The following IGSF3 variants were observed in gnomAD, a reference collection of about 807,000 sequenced individuals.
The protein encoded by IGSF3 is immunoglobulin superfamily member 3.
IGSF3 carries 23 observed loss-of-function variants against 114.4 expected under a neutral mutation model. The observed-to-expected ratio is 0.20, with a 90% confidence interval of 0.14 to 0.28. IGSF3 has a LOEUF of 0.28. IGSF3 is among the 10% of genes least tolerant of loss of function. The probability of loss-of-function intolerance (pLI) is 1.00; values close to 1 mark genes in which losing one functional copy is unlikely to be tolerated. For synonymous variants in IGSF3, 571 were observed against 645.2 expected, an observed-to-expected ratio of 0.88 and a Z score of 1.74; for missense variants, 1,172 against 1,591.5, an observed-to-expected ratio of 0.74 and a Z score of 4.48.
In IGSF3 at chr1:116,627,863, G is replaced by A. The variant is rs1287575445; in HGVS notation, c.44-11406C>T. On this transcript the variant is annotated intron_variant, in intron 2 of 10. Coordinates refer to ENST00000369486, the MANE Select transcript of IGSF3 (RefSeq NM_001007237.3). This position sits in a 1 kb window ranked among gnomAD's most constrained non-coding sequence, Gnocchi z 4.7. ...GGGCTGCCTAGCTAGGAATGCCCAG[G>A]CAGTGAATTGGGGTCTCCAAAGGAA... Among the ~76,000 whole-genome samples, 1 of 152,194 alleles carries A rather than the reference G, an allele frequency of 6.6e-6. No homozygotes were observed. The highest frequency in any genetic ancestry group is 1.5e-5 in the Non-Finnish European group (1 of 68,034).
rs3965232 is a variant in IGSF3, at chr1:116,616,545, T to C, written c.44-88A>G. The C allele has an allele frequency of 8.6e-7, 1 of 1,169,270 alleles. No individual in the cohort carries two copies. The highest frequency in any genetic ancestry group is 1.5e-5 in the African/African-American group (1 of 65,180). The allele number at this position is 1,169,270 out of a possible 1,614,324, so 72.4% of individuals were successfully genotyped here. ...CCAGCAATCTCCAAAGGGTTTGTTA[T>C]TTGTGTGACATGATAATAATATAAA... is the stretch of plus-strand genomic sequence containing the variant. On this transcript the variant is annotated intron_variant, in intron 2 of 10. Coordinates refer to ENST00000369486, the MANE Select transcript of IGSF3 (RefSeq NM_001007237.3). The surrounding 1 kb of genome is among the most constrained non-coding windows in gnomAD (Gnocchi z 6.6).
chr1:116,619,191 C>T (rs991110512), intron 2 of IGSF3, among the ~76,000 whole-genome samples: 3 of 152,352 alleles, frequency 2.0e-5, no homozygotes, highest in Non-Finnish European at 4.4e-5. Flanking sequence ...AAGAAAGCTT[C>T]ATTCTCCTCC....
At position 116,632,535 on chromosome 1, in the gene IGSF3, G is replaced by A. The variant is rs897370991; in HGVS notation, c.44-16078C>T. Among the ~76,000 whole-genome samples, 1 of 152,344 alleles carries A rather than the reference G, an allele frequency of 6.6e-6. No homozygotes were observed. Among genetic ancestry groups the A allele is most frequent in the South Asian group, 2.1e-4 (1 of 4,828 alleles). On this transcript the variant is annotated intron_variant, in intron 2 of 10. Coordinates refer to ENST00000369486, the MANE Select transcript of IGSF3 (RefSeq NM_001007237.3). This position sits in a 1 kb window ranked among gnomAD's most constrained non-coding sequence, Gnocchi z 5.1. ...GGCAGAGAAGAAAGCAAACCTGGAA[G>A]GCAACAAATGGACACGTGCGTGCTG...
chr1:116,589,143 C>T lies in IGSF3; in HGVS notation c.2030-39G>A. The T allele has an allele frequency of 3.8e-6, 6 of 1,568,186 alleles. No homozygotes were observed. The highest frequency in any genetic ancestry group is 5.2e-6 in the Non-Finnish European group (6 of 1,149,328). Reference sequence around the variant, plus strand: ...GGGAACACAGGAATCACCACAGACTCCCAGAAACGTGGCCCATCCACCTCC... The same window carrying T: ...GGGAACACAGGAATCACCACAGACTTCCAGAAACGTGGCCCATCCACCTCC... On this transcript the variant is annotated intron_variant, in intron 7 of 10. Transcript: ENST00000369486. This position sits in a 1 kb window ranked among gnomAD's most constrained non-coding sequence, Gnocchi z 5.7.
chr1:116,623,547 G>A (rs1661482284), intron 2 of IGSF3, among the ~76,000 whole-genome samples: 1 of 152,058 alleles, frequency 6.6e-6, no homozygotes, highest in African/African-American at 2.4e-5. Context: ...TTAGCCGGGT[G>A]TGATGGCACA....
intron 8 of IGSF3, among the ~76,000 whole-genome samples, chr1:116,586,269 ATTCTCCCT>A (rs1659839603): frequency 6.6e-6 from 1 of 152,176 alleles, no homozygotes; most frequent in African/African-American, 2.4e-5. Context: ...TTAAATAACC[ATTCTCCCT>A]TTCTCCCTCC....
At position 116,657,471 on chromosome 1, in the gene IGSF3, C is replaced by T. The variant is rs1188650054; in HGVS notation, c.43+8813G>A. On this transcript the variant is annotated intron_variant, in intron 2 of 10. Coordinates refer to ENST00000369486, the MANE Select transcript of IGSF3 (RefSeq NM_001007237.3). The surrounding 1 kb of genome is among the most constrained non-coding windows in gnomAD (Gnocchi z 4.2). ...CAACCTAATGGATCAAACATGTGTG[C>T]TTTGGTCATCCGCAACCCAGACCAC... Among the ~76,000 whole-genome samples the T allele has an allele frequency of 6.6e-6, 1 of 151,740 alleles. No individual in the cohort carries two copies. The highest frequency in any genetic ancestry group is 6.6e-5 in the Admixed American group (1 of 15,232).
chr1:116,643,496 T>C (rs2101058197), intron 2 of IGSF3, among the ~76,000 whole-genome samples: 1 of 152,380 alleles, frequency 6.6e-6, no homozygotes, highest in African/African-American at 2.4e-5. Context: ...TGTACATTTA[T>C]TACTGTCAGC....
chr1:116,662,010 C>A lies in IGSF3; in HGVS notation c.43+4274G>T, dbSNP rs74111655. ...TCATCTTGGGAATAGAGAGCATGCA[C>A]ATGGAGCAAGACAGCAGGAGCTTGG... On this transcript the variant is annotated intron_variant, in intron 2 of 10. Transcript: ENST00000369486. The surrounding 1 kb of genome is among the most constrained non-coding windows in gnomAD (Gnocchi z 4.3). 0.03 allele frequency among the ~76,000 whole-genome samples: 4,572 copies of A among 152,070 alleles called. 92 individuals carry two copies. Among genetic ancestry groups the A allele is most frequent in the African/African-American group, 0.064 (2,642 of 41,490 alleles).
chr1:116,607,272 C>T lies in IGSF3; in HGVS notation c.1222+670G>A, dbSNP rs1157476115. Among the ~76,000 whole-genome samples the T allele has an allele frequency of 2.0e-5, 3 of 151,812 alleles. No homozygotes were observed. Among genetic ancestry groups the T allele is most frequent in the African/African-American group, 4.8e-5 (2 of 41,256 alleles). ...GCAAACACCAGTAGTTTCTGGAATC[C>T]CTAGCAATGGCCACTACCCACCCAC... On this transcript the variant is annotated intron_variant, in intron 5 of 10. Coordinates refer to ENST00000369486, the MANE Select transcript of IGSF3 (RefSeq NM_001007237.3). The surrounding 1 kb of genome is among the most constrained non-coding windows in gnomAD (Gnocchi z 6.1).
chr1:116,577,242 A>G lies in IGSF3; in HGVS notation c.*70T>C. ...GCACCCCAGAGTTTGGGTGCTGTCAACTGTCCAATCACAGAGAAAGGGAGA... is the reference window on the plus strand; with the variant it reads ...GCACCCCAGAGTTTGGGTGCTGTCAGCTGTCCAATCACAGAGAAAGGGAGA... On this transcript the variant is annotated 3_prime_UTR_variant, in exon 11 of 11. Transcript: ENST00000369486. This position sits in a 1 kb window ranked among gnomAD's most constrained non-coding sequence, Gnocchi z 5.7. 1 of 1,559,642 alleles carries G rather than the reference A, an allele frequency of 6.4e-7. No homozygotes were observed. Among genetic ancestry groups the G allele is most frequent in the Non-Finnish European group, 8.7e-7 (1 of 1,145,606 alleles).
At chr1:116,590,938 C>T (rs868302527) in intron 7 of IGSF3, among the ~76,000 whole-genome samples, 27 of 152,248 alleles carry the variant, frequency 1.8e-4, no homozygotes, top group African/African-American at 5.3e-4. Context: ...CGCAGTAAAT[C>T]GGACATTCTC....
chr1:116,641,856 T>C (rs1475635721), intron 2 of IGSF3, among the ~76,000 whole-genome samples: 3 of 151,902 alleles, frequency 2.0e-5, no homozygotes, highest in East Asian at 1.9e-4. Context: ...TTCTTTCTTT[T>C]TTTTTTTTTT....
chr1:116,631,224 AG>A (rs34744477), intron 2 of IGSF3, among the ~76,000 whole-genome samples: 45,177 of 149,606 alleles, frequency 0.3, 7,942 homozygotes, highest in Non-Finnish European at 0.39. Flanking sequence ...AGGCTGAGGC[AG>A]GAGAATGGCG....
In IGSF3 at chr1:116,655,491, C is replaced by A. The variant is rs1317057214; in HGVS notation, c.43+10793G>T. Among the ~76,000 whole-genome samples the A allele has an allele frequency of 2.6e-5, 4 of 152,174 alleles. No individual in the cohort carries two copies. Among genetic ancestry groups the A allele is most frequent in the Admixed American group, 6.5e-5 (1 of 15,284 alleles). ...CATTCCCGTGAACGTTGAGAAGTAA[C>A]CCAACGCTGTGAAATGATAATCTTT... On this transcript the variant is annotated intron_variant, in intron 2 of 10. Transcript: ENST00000369486. This position sits in a 1 kb window ranked among gnomAD's most constrained non-coding sequence, Gnocchi z 4.3.
chr1:116,659,537 GC>G (rs967633974), intron 2 of IGSF3, among the ~76,000 whole-genome samples: 7 of 152,018 alleles, frequency 4.6e-5, no homozygotes, highest in African/African-American at 1.4e-4. Context: ...ACAAGGAATA[GC>G]TGTGTTCACT....
In IGSF3 at chr1:116,651,944, C is replaced by A. The variant is rs1359253777; in HGVS notation, c.43+14340G>T. 6.6e-6 allele frequency among the ~76,000 whole-genome samples: 1 copy of A among 152,210 alleles called. No homozygotes were observed. The highest frequency in any genetic ancestry group is 1.9e-4 in the East Asian group (1 of 5,198). On this transcript the variant is annotated intron_variant, in intron 2 of 10. Transcript: ENST00000369486. This position sits in a 1 kb window ranked among gnomAD's most constrained non-coding sequence, Gnocchi z 4.4. ...AGGATTATGTCTCCTCCATTTCACA[C>A]ACTGGCCAAGCATATAGCAGAACAC...
Position 116,596,894 on chromosome 1 carries a change from A to G in IGSF3, c.2029+3047T>C, listed in dbSNP as rs1416067204. Among the ~76,000 whole-genome samples, 2 of 152,226 alleles carry G rather than the reference A, an allele frequency of 1.3e-5. No homozygotes were observed. The highest frequency in any genetic ancestry group is 6.5e-5 in the Admixed American group (1 of 15,280). On this transcript the variant is annotated intron_variant, in intron 7 of 10. Coordinates refer to ENST00000369486, the MANE Select transcript of IGSF3 (RefSeq NM_001007237.3). The surrounding 1 kb of genome is among the most constrained non-coding windows in gnomAD (Gnocchi z 4.1). ...AGAAACGAGGAACCAAAGCATTCAC[A>G]GTGGTTTACAAGAAATGCTCAGTGA... is the stretch of plus-strand genomic sequence containing the variant.
intron 2 of IGSF3, among the ~76,000 whole-genome samples, chr1:116,660,173 C>G (rs1264172307): frequency 6.6e-6 from 1 of 152,220 alleles, no homozygotes; most frequent in Non-Finnish European, 1.5e-5. Flanking sequence ...TTTCTCCAAT[C>G]TGTAAAAGGC....
Sources: allele counts gnomAD v4.1 joint callset (sites outside exome capture counted in the v4.1 genomes callset), GRCh38; gene constraint gnomAD v4.1.1; non-coding constraint Gnocchi (gnomAD v3.1); transcripts MANE v1.5; gene names NCBI Gene and HGNC (gene_info 2026-07-23, HGNC 2026-07-21).